Variants in CLINT1 observed in about 807,000 individuals in gnomAD.
The protein encoded by CLINT1 is clathrin interactor 1, also known as clathrin interacting protein localized in the trans-Golgi region.
In CLINT1, 15 loss-of-function variants were observed where a neutral mutation model predicts 70.4. The observed-to-expected ratio is 0.21, with a 90% CI of 0.14 to 0.33. The LOEUF (loss-of-function observed/expected upper bound fraction) is 0.33, where lower values mean the gene tolerates loss of function less well. CLINT1 is among the 10% of genes least tolerant of loss of function. The pLI is 1.00. For synonymous variants in CLINT1, 227 were observed against 254.7 expected, an observed-to-expected ratio of 0.89 and a Z score of 1.04; for missense variants, 615 against 778.1, an observed-to-expected ratio of 0.79 and a Z score of 2.49.
chr5:157,837,437 CACAT>C (rs1327741635), intron 1 of CLINT1, among the ~76,000 whole-genome samples: 31 of 150,172 alleles, frequency 2.1e-4, no homozygotes, highest in African/African-American at 6.8e-4. Context: ...CACACACACA[CACAT>C]ACTGTAACTC....
At chr5:157,858,795 A>G in intron 1 of CLINT1, 135 bp downstream of exon 1, 3 of 924,554 alleles carry the variant, frequency 3.2e-6, no homozygotes, top group South Asian at 1.7e-5. Context: ...GCCGGGAAGG[A>G]GCGGGCCGCC....
intron 5 of CLINT1, 109 bp from the exon 6 acceptor site, chr5:157,809,914 G>A (rs752115225): frequency 7.3e-6 from 8 of 1,098,164 alleles, no homozygotes; most frequent in Non-Finnish European, 6.5e-6. Flanking sequence ...ATTTTCAAAG[G>A]AAAACAGAAA....
At chr5:157,818,378 T>C (rs1275405260) in intron 1 of CLINT1, among the ~76,000 whole-genome samples, 3 of 144,884 alleles carry the variant, frequency 2.1e-5, no homozygotes, top group Non-Finnish European at 4.4e-5. Flanking sequence ...GTGTCTGACA[T>C]ATAGAAAGTA....
chr5:157,839,947 G>A (rs1753093562), intron 1 of CLINT1, among the ~76,000 whole-genome samples: 1 of 151,644 alleles, frequency 6.6e-6, no homozygotes, highest in South Asian at 2.1e-4. Context: ...AGAGGAGGTC[G>A]GGCACCATGG....
chr5:157,802,940 T>C (rs1762273098), intron 8 of CLINT1, among the ~76,000 whole-genome samples: 1 of 152,264 alleles, frequency 6.6e-6, no homozygotes. Context: ...GATAACTATT[T>C]GTGACTCTGA....
intron 1 of CLINT1, among the ~76,000 whole-genome samples, chr5:157,845,389 A>G (rs1753335747): frequency 6.6e-6 from 1 of 151,850 alleles, no homozygotes; most frequent in Non-Finnish European, 1.5e-5. Context: ...AAAATTAAGT[A>G]CTATAAATTT....
At chr5:157,814,583 A>G (rs1762656842) in intron 3 of CLINT1, among the ~76,000 whole-genome samples, 2 of 152,246 alleles carry the variant, frequency 1.3e-5, no homozygotes, top group African/African-American at 2.4e-5. Flanking sequence ...TGATATAAAT[A>G]GACAATAAGG....
At chr5:157,802,434 G>T (rs367766637) in intron 8 of CLINT1, among the ~76,000 whole-genome samples, 19 of 151,816 alleles carry the variant, frequency 1.3e-4, no homozygotes, top group African/African-American at 4.6e-4. Flanking sequence ...GAAAACAATT[G>T]ATCAGAAATT....
intron 1 of CLINT1, among the ~76,000 whole-genome samples, chr5:157,832,574 C>T (rs1243076487): frequency 6.6e-6 from 1 of 152,182 alleles, no homozygotes; most frequent in Admixed American, 6.5e-5. Flanking sequence ...ACTATCTCTC[C>T]ACTTCTGAGG....
At chr5:157,792,025 A>G (rs1203690464) in intron 9 of CLINT1, 30 bp from the exon 10 acceptor site, 1 of 1,577,228 alleles carries the variant, frequency 6.3e-7, no homozygotes, top group African/African-American at 1.4e-5. Flanking sequence ...AAGGGTAAGA[A>G]ACTTCATGGA....
intron 1 of CLINT1, among the ~76,000 whole-genome samples, chr5:157,842,534 G>A (rs1753222757): frequency 6.6e-6 from 1 of 152,172 alleles, no homozygotes; most frequent in Non-Finnish European, 1.5e-5. Context: ...GGATATGATG[G>A]TAACAGACTA....
intron 3 of CLINT1, among the ~76,000 whole-genome samples, chr5:157,814,903 C>G (rs977914209): frequency 2.0e-5 from 3 of 151,752 alleles, no homozygotes; most frequent in Non-Finnish European, 4.4e-5. Context: ...CATGGTGGCC[C>G]ACGCCTGTAA....
intron 1 of CLINT1, among the ~76,000 whole-genome samples, chr5:157,828,901 C>A (rs1022126504): frequency 5.6e-4 from 76 of 135,762 alleles, no homozygotes; most frequent in East Asian, 2.1e-4. Context: ...CCAGCCTGGC[C>A]AATATGGTGA....
At chr5:157,826,324 T>G (rs1303231908) in intron 1 of CLINT1, among the ~76,000 whole-genome samples, 2 of 152,182 alleles carry the variant, frequency 1.3e-5, no homozygotes, top group African/African-American at 4.8e-5. Context: ...TCAGGTAAAC[T>G]TTTGCATAGC....
chr5:157,829,000 G>T (rs1006027604), intron 1 of CLINT1, among the ~76,000 whole-genome samples: 2 of 151,852 alleles, frequency 1.3e-5, no homozygotes, highest in Non-Finnish European at 2.9e-5. Flanking sequence ...TACTCAGGAG[G>T]CTGAGGCAAG....
At chr5:157,842,597 T>C (rs776922080) in intron 1 of CLINT1, among the ~76,000 whole-genome samples, 1 of 152,372 alleles carries the variant, frequency 6.6e-6, no homozygotes, top group South Asian at 2.1e-4. Context: ...AAAAACTTTG[T>C]TGAATATTTA....
Position 157,787,883 on chromosome 5 carries a change from T to A in CLINT1, c.1641A>T (p.Gly547=). 6.2e-7 allele frequency: 1 copy of A among 1,613,744 alleles called. No individual in the cohort carries two copies. Among genetic ancestry groups the A allele is most frequent in the Non-Finnish European group, 8.5e-7 (1 of 1,179,792 alleles). Residue 547 remains glycine, a synonymous_variant, in exon 12 of 12, where the codon GGA becomes GGT. Transcript: ENST00000411809. ...CATTGGGCATGCTCATAGGCATGGGTCCCCCTATCAAAGCATTAGTTTGGG... is the reference window on the plus strand; with the variant it reads ...CATTGGGCATGCTCATAGGCATGGGACCCCCTATCAAAGCATTAGTTTGGG... ...VRPQTNALIG[G]PMPMSMPNVM...
chr5:157,849,790 A>G (rs1753508347), intron 1 of CLINT1, among the ~76,000 whole-genome samples: 1 of 152,226 alleles, frequency 6.6e-6, no homozygotes, highest in Admixed American at 6.5e-5. Context: ...TTTTATTATT[A>G]GAAATATCTG....
chr5:157,793,277 TTAAAC>T (rs900772178), intron 9 of CLINT1, among the ~76,000 whole-genome samples: 7 of 152,116 alleles, frequency 4.6e-5, no homozygotes, highest in Non-Finnish European at 8.8e-5. Context: ...ATTAAACAAT[TTAAAC>T]TAAGGCTGCT....
Sources: allele counts gnomAD v4.1 joint callset (sites outside exome capture counted in the v4.1 genomes callset), GRCh38; gene constraint gnomAD v4.1.1; transcripts MANE v1.5; gene names NCBI Gene and HGNC (gene_info 2026-07-23, HGNC 2026-07-21).